The following RALYL variants were observed in gnomAD, a reference collection of about 807,000 sequenced individuals.
RALYL encodes the protein RALY RNA binding protein like, also known as RNA-binding Raly-like protein.
In RALYL, 29 loss-of-function variants were observed where a neutral mutation model predicts 35.1. That is an observed-to-expected ratio of 0.83 (90% CI 0.61 to 1.13). RALYL has a LOEUF of 1.13. Ranked by LOEUF, RALYL falls within the 50% of genes most tolerant of loss-of-function variation. The pLI is 0.00. For missense variants in RALYL, 359 were observed against 360.4 expected, an observed-to-expected ratio of 1.00 and a Z score of 0.03; for synonymous variants, 120 against 127.6, an observed-to-expected ratio of 0.94 and a Z score of 0.40.
At chr8:84,720,132 C>G (rs930245819) in intron 2 of RALYL, among the ~76,000 whole-genome samples, 12 of 151,982 alleles carry the variant, frequency 7.9e-5, no homozygotes, top group African/African-American at 2.9e-4. Context: ...CAGTGACATA[C>G]TGTGTTGAAA....
At chr8:84,337,204 C>T (rs1420415918) in intron 1 of RALYL, among the ~76,000 whole-genome samples, 5 of 151,740 alleles carry the variant, frequency 3.3e-5, no homozygotes, top group Non-Finnish European at 7.4e-5. Context: ...ATATTTGATT[C>T]ATTTCAGTAT....
At chr8:84,819,975 C>A (rs1353593489) in intron 4 of RALYL, among the ~76,000 whole-genome samples, 1 of 152,058 alleles carries the variant, frequency 6.6e-6, no homozygotes, top group East Asian at 1.9e-4. Flanking sequence ...TCATAGGGAA[C>A]CCTGCCCCAA....
intron 2 of RALYL, among the ~76,000 whole-genome samples, chr8:84,690,312 T>C (rs1837765144): frequency 6.6e-6 from 1 of 152,146 alleles, no homozygotes; most frequent in African/African-American, 2.4e-5. Context: ...CTCATTTACA[T>C]GTGGAATCTA....
chr8:84,182,883 T>A (rs1811644378), upstream of RALYL: 1 of 152,642 alleles, frequency 6.6e-6, no homozygotes, highest in African/African-American at 2.4e-5. Flanking sequence ...ACAAAATGAA[T>A]GAGTGAATGT....
chr8:84,364,072 T>A (rs1277722492), intron 1 of RALYL, among the ~76,000 whole-genome samples: 1 of 152,152 alleles, frequency 6.6e-6, no homozygotes, highest in East Asian at 1.9e-4. Flanking sequence ...GTTTGCAAAC[T>A]TAGGTATCCC....
intron 5 of RALYL, among the ~76,000 whole-genome samples, chr8:84,850,753 T>A (rs1835682593): frequency 6.6e-6 from 1 of 152,122 alleles, no homozygotes; most frequent in African/African-American, 2.4e-5. Flanking sequence ...GGATACGGAG[T>A]AGGCATCTGT....
intron 7 of RALYL, among the ~76,000 whole-genome samples, chr8:84,881,680 T>C (rs1842193589): frequency 6.6e-6 from 1 of 151,990 alleles, no homozygotes; most frequent in African/African-American, 2.4e-5. Flanking sequence ...TTTTCTTTCA[T>C]GGTTTTTTAA....
At chr8:84,699,134 G>A (rs1839758370) in intron 2 of RALYL, among the ~76,000 whole-genome samples, 1 of 152,050 alleles carries the variant, frequency 6.6e-6, no homozygotes, top group Non-Finnish European at 1.5e-5. Flanking sequence ...CTCTTTCATA[G>A]TAAAATTCTA....
chr8:84,192,061 C>T (rs746392357), intron 1 of RALYL, among the ~76,000 whole-genome samples: 1 of 152,158 alleles, frequency 6.6e-6, no homozygotes, highest in Non-Finnish European at 1.5e-5. Context: ...AATGATTTAA[C>T]CCAACATCAC....
At chr8:84,505,177 G>T (rs2057056605) in intron 1 of RALYL, among the ~76,000 whole-genome samples, 2 of 152,080 alleles carry the variant, frequency 1.3e-5, no homozygotes, top group Admixed American at 1.3e-4. Context: ...CCATCAATCT[G>T]CACCTTACCT....
intron 2 of RALYL, among the ~76,000 whole-genome samples, chr8:84,685,670 A>G (rs1431840636): frequency 6.6e-6 from 1 of 152,208 alleles, no homozygotes; most frequent in Non-Finnish European, 1.5e-5. Flanking sequence ...ACACAATTTA[A>G]AAAACACAGG....
chr8:84,610,204 G>A (rs766642498), intron 2 of RALYL, among the ~76,000 whole-genome samples: 6 of 151,560 alleles, frequency 4.0e-5, no homozygotes, highest in Admixed American at 6.6e-5. Context: ...TTTATGTTCC[G>A]GGATCCCATT....
intron 2 of RALYL, among the ~76,000 whole-genome samples, chr8:84,723,037 A>G (rs7820782): frequency 0.067 from 10,130 of 151,934 alleles, 778 homozygotes; most frequent in African/African-American, 0.19. Context: ...ATTTTTCATT[A>G]TATCCTTGCA....
At position 84,638,871 on chromosome 8, in the gene RALYL, AATATATATATATATATATATAT is replaced by A. The variant is rs71273908; in HGVS notation, c.256+109323_256+109344del. Among the ~76,000 whole-genome samples the A allele has an allele frequency of 2.8e-4, 24 of 86,258 alleles. 1 individual carries two copies. The highest frequency in any genetic ancestry group is 6.0e-4 in the South Asian group (2 of 3,334). The allele number at this position is 86,258 out of a possible 152,430, so 56.6% of individuals were successfully genotyped here. On this transcript the variant is annotated intron_variant, in intron 2 of 8. Transcript: ENST00000521268. Reference sequence around the variant, plus strand: ...AATACGAGTATCTAATGCACGCATAAATATATATATATATATATATATATATATATATATATATATATATATA... The same window carrying A: ...AATACGAGTATCTAATGCACGCATAAATATATATATATATATATATATATA...
intron 1 of RALYL, among the ~76,000 whole-genome samples, chr8:84,382,113 C>G (rs774804788): frequency 6.6e-6 from 1 of 150,776 alleles, no homozygotes; most frequent in Non-Finnish European, 1.5e-5. Context: ...TTTATTTCCT[C>G]TATGATTGAG....
At chr8:84,653,953 T>C (rs886490719) in intron 2 of RALYL, among the ~76,000 whole-genome samples, 1 of 151,586 alleles carries the variant, frequency 6.6e-6, no homozygotes, top group African/African-American at 2.4e-5. Flanking sequence ...ATTTCACTTA[T>C]TCTCTGTCTG....
intron 1 of RALYL, among the ~76,000 whole-genome samples, chr8:84,303,204 T>A (rs541596291): frequency 3.9e-5 from 6 of 152,162 alleles, no homozygotes; most frequent in Non-Finnish European, 7.4e-5. Flanking sequence ...TGGAACATAT[T>A]AGAAAAAATA....
chr8:84,399,710 AT>A (rs1352516939), intron 1 of RALYL, among the ~76,000 whole-genome samples: 18 of 152,330 alleles, frequency 1.2e-4, no homozygotes, highest in African/African-American at 4.1e-4. Flanking sequence ...TTGTAATTAC[AT>A]TGTAATCACA....
intron 1 of RALYL, among the ~76,000 whole-genome samples, chr8:84,403,534 T>G (rs908516567): frequency 3.8e-5 from 5 of 132,168 alleles, no homozygotes; most frequent in East Asian, 4.1e-4. Context: ...GTTTTTTTTT[T>G]TTTTTTTTTT....
Sources: allele counts gnomAD v4.1 joint callset (sites outside exome capture counted in the v4.1 genomes callset), GRCh38; gene constraint gnomAD v4.1.1; transcripts MANE v1.5; gene names NCBI Gene and HGNC (gene_info 2026-07-23, HGNC 2026-07-21).